TENM2: variants seen among roughly 807,000 people sequenced by gnomAD.
TENM2 encodes teneurin-2.
TENM2 carries 52 observed loss-of-function variants against 245.2 expected under a neutral mutation model. The observed-to-expected ratio is 0.21, with a 90% confidence interval of 0.17 to 0.27. The LOEUF (loss-of-function observed/expected upper bound fraction) is 0.27, where lower values mean the gene tolerates loss of function less well. Among genes scored for constraint, TENM2 ranks in the 10% least tolerant of loss-of-function variants. The pLI is 1.00. For missense variants in TENM2, 3,046 were observed against 3,666.8 expected (o/e 0.83, Z 4.37); for synonymous variants, 1,363 against 1,438.9 (o/e 0.95, Z 1.19).
At chr5:167,244,627 G>C in the TENM2 span, among the ~76,000 whole-genome samples, 1 of 152,230 alleles carries the variant, frequency 6.6e-6, no homozygotes, top group Non-Finnish European at 1.5e-5. Flanking sequence ...GCCAGTGTTT[G>C]ACATGTGGAG....
chr5:168,198,760 C>T, intron 15 of TENM2, 93 bp from the exon 18 acceptor site: 1 of 1,463,252 alleles, frequency 6.8e-7, no homozygotes, highest in Non-Finnish European at 9.4e-7. Flanking sequence ...CTGTGCTCTG[C>T]CCATCGCATG....
intron 14 of TENM2, among the ~76,000 whole-genome samples, chr5:168,194,930 T>C (rs774008685): frequency 3.4e-4 from 52 of 152,208 alleles, no homozygotes; most frequent in Non-Finnish European, 6.6e-4. Context: ...TGTCAAGAAA[T>C]GGAGCAAGGC....
intron 2 of TENM2, among the ~76,000 whole-genome samples, chr5:167,415,039 T>C (rs1581977536): frequency 6.6e-6 from 1 of 151,716 alleles, no homozygotes; most frequent in African/African-American, 2.4e-5. Flanking sequence ...TGCAAGTTGG[T>C]TCTCTTTCCT....
At chr5:167,941,609 G>A (rs1478867938) in intron 3 of TENM2, among the ~76,000 whole-genome samples, 1 of 151,624 alleles carries the variant, frequency 6.6e-6, no homozygotes, top group East Asian at 1.9e-4. Flanking sequence ...CACTCTGGGA[G>A]GCCAAGGTGG....
intron 2 of TENM2, among the ~76,000 whole-genome samples, chr5:167,579,886 A>G (rs1774969808): frequency 6.6e-6 from 1 of 152,206 alleles, no homozygotes; most frequent in African/African-American, 2.4e-5. Context: ...ACAGCCAGCT[A>G]CATGATATCC....
At chr5:166,979,617 A>G in the TENM2 span, among the ~76,000 whole-genome samples, 7 of 152,150 alleles carry the variant, frequency 4.6e-5, no homozygotes, top group East Asian at 1.9e-4. Context: ...TCATTCTGCA[A>G]TCGCTCCTGA....
At chr5:167,251,152 A>G in the TENM2 span, among the ~76,000 whole-genome samples, 1 of 152,078 alleles carries the variant, frequency 6.6e-6, no homozygotes, top group Admixed American at 6.6e-5. Flanking sequence ...GGAGTCAGGA[A>G]AGAAAAGGAA....
chr5:167,014,288 A>G, the TENM2 span, among the ~76,000 whole-genome samples: 196 of 152,220 alleles, frequency 1.3e-3, 1 homozygote, highest in African/African-American at 4.6e-3. Context: ...TTTTAGACCT[A>G]ACAACAGAGC....
At chr5:167,417,934 A>G (rs1763256161) in intron 2 of TENM2, among the ~76,000 whole-genome samples, 1 of 152,024 alleles carries the variant, frequency 6.6e-6, no homozygotes. Context: ...TTCATTTTGC[A>G]TTTTCATATT....
At chr5:167,555,954 C>T (rs757905139) in intron 2 of TENM2, among the ~76,000 whole-genome samples, 2 of 151,962 alleles carry the variant, frequency 1.3e-5, no homozygotes, top group African/African-American at 4.8e-5. Context: ...TAAAGTGAGC[C>T]GCATTAGTTC....
intron 2 of TENM2, among the ~76,000 whole-genome samples, chr5:167,812,615 G>A (rs568040296): frequency 3.9e-5 from 6 of 152,294 alleles, no homozygotes; most frequent in African/African-American, 1.2e-4. Flanking sequence ...GCCTGAGTGT[G>A]TATCCTGCTG....
intron 2 of TENM2, among the ~76,000 whole-genome samples, chr5:167,390,637 G>T (rs915515951): frequency 6.6e-6 from 1 of 152,040 alleles, no homozygotes; most frequent in South Asian, 2.1e-4. Flanking sequence ...ATTATAATAA[G>T]CATATGGCTC....
the TENM2 span, among the ~76,000 whole-genome samples, chr5:167,097,787 T>C: frequency 6.6e-6 from 1 of 152,196 alleles, no homozygotes. Flanking sequence ...TTTCGTGGTA[T>C]GTGTTTTTAT....
chr5:168,155,382 A>C (rs1332764444), intron 12 of TENM2, among the ~76,000 whole-genome samples: 1 of 118,740 alleles, frequency 8.4e-6, no homozygotes, highest in African/African-American at 3.4e-5. Flanking sequence ...AAAAACAGTG[A>C]TATTTAAAAC....
chr5:167,497,231 T>C lies in TENM2; in HGVS notation c.502+121758T>C, dbSNP rs547269658. 2.0e-5 allele frequency among the ~76,000 whole-genome samples: 3 copies of C among 152,154 alleles called. No individual in the cohort carries two copies. In the South Asian group the frequency reaches 6.2e-4, roughly 32 times the overall value. ...GGAGGGGAAGAATGCTACCTGCTCC[T>C]CACTTTCTTCCCTCCTGGTACCAAA... On this transcript the variant is annotated intron_variant, in intron 2 of 28. Coordinates refer to ENST00000518659, the Ensembl canonical transcript of TENM2.
At chr5:167,385,725 T>A (rs755718742) in intron 2 of TENM2, among the ~76,000 whole-genome samples, 5 of 152,080 alleles carry the variant, frequency 3.3e-5, no homozygotes, top group Non-Finnish European at 2.9e-5. Flanking sequence ...TCCTCATACC[T>A]TAGCTCCCAC....
At chr5:167,807,624 TAAA>T (rs11287928) in intron 2 of TENM2, among the ~76,000 whole-genome samples, 4,259 of 149,708 alleles carry the variant, frequency 0.028, 68 homozygotes, top group South Asian at 0.051. Context: ...GCATTTTTTT[TAAA>T]AAAAAAAAAA....
chr5:167,475,360 T>A (rs1025513822), intron 2 of TENM2, among the ~76,000 whole-genome samples: 3 of 152,180 alleles, frequency 2.0e-5, no homozygotes, highest in Non-Finnish European at 4.4e-5. Flanking sequence ...ATTTACTGAT[T>A]AAAAATAAAA....
intron 25 of TENM2, among the ~76,000 whole-genome samples, chr5:168,228,485 C>G (rs1284934367): frequency 8.6e-6 from 1 of 116,808 alleles, no homozygotes; most frequent in Non-Finnish European, 1.6e-5. Context: ...CTGTCTTCTT[C>G]TTCCTCAGTT....
Sources: gnomAD v4.1 joint callset for allele counts (sites outside exome capture counted in the v4.1 genomes callset) on GRCh38, gnomAD v4.1.1 for gene constraint, MANE v1.5 for transcripts, NCBI Gene and HGNC (gene_info 2026-07-23, HGNC 2026-07-21) for gene names.